AGTPBP1: variants seen among roughly 807,000 people sequenced by gnomAD.
AGTPBP1 encodes cytosolic carboxypeptidase 1.
In AGTPBP1, 70 loss-of-function variants were observed where a neutral mutation model predicts 143.9. That is an observed-to-expected ratio of 0.49 (90% CI 0.40 to 0.59). The LOEUF (loss-of-function observed/expected upper bound fraction) is 0.59, where lower values mean the gene tolerates loss of function less well. AGTPBP1 is among the 20% of genes least tolerant of loss of function. The pLI, the probability that AGTPBP1 is intolerant of heterozygous loss-of-function variation, is 0.00. For missense variants in AGTPBP1, 1,229 were observed against 1,464.5 expected (o/e 0.84, Z 2.62); for synonymous variants, 463 against 500.2 (o/e 0.93, Z 0.99).
At chr9:85,548,670 TTTTTGTTTTTGTTTTTG>T (rs2118316891) in intron 25 of AGTPBP1, among the ~76,000 whole-genome samples, 1 of 142,394 alleles carries the variant, frequency 7.0e-6, no homozygotes, top group African/African-American at 3.0e-5. Flanking sequence ...CTTTGGTTTT[TTTTTGTTTTTGTTTTTG>T]TTTTTTGAGA....
chr9:85,551,182 C>T (rs1042355018), intron 25 of AGTPBP1, among the ~76,000 whole-genome samples: 3 of 152,118 alleles, frequency 2.0e-5, no homozygotes, highest in African/African-American at 7.2e-5. Flanking sequence ...GCAGAACCAC[C>T]AGCCAATTAA....
intron 1 of AGTPBP1, among the ~76,000 whole-genome samples, chr9:85,734,186 G>A (rs1187658964): frequency 2.0e-5 from 3 of 152,156 alleles, no homozygotes; most frequent in African/African-American, 7.2e-5. Context: ...CCAGGAGGCA[G>A]AGGTTGCAGT....
At chr9:85,599,334 T>G (rs565704080) in intron 17 of AGTPBP1, among the ~76,000 whole-genome samples, 1 of 152,334 alleles carries the variant, frequency 6.6e-6, no homozygotes, top group Admixed American at 6.5e-5. Flanking sequence ...CATTGTATTC[T>G]CTCCATCTTA....
the AGTPBP1 span, among the ~76,000 whole-genome samples, chr9:85,782,187 G>A: frequency 4.6e-5 from 7 of 152,162 alleles, no homozygotes; most frequent in African/African-American, 1.7e-4. Context: ...ATAATATGGA[G>A]GAGCAATGAA....
chr9:85,571,071 T>G (rs1445848341), intron 25 of AGTPBP1, among the ~76,000 whole-genome samples: 2 of 152,222 alleles, frequency 1.3e-5, no homozygotes, highest in African/African-American at 4.8e-5. Flanking sequence ...ATGTCTGTCT[T>G]TATTTGAGCA....
chr9:85,633,146 G>A lies in AGTPBP1; in HGVS notation c.1531C>T (p.Gln511Ter). ...GTTCTATTTTGATCACCTGGCTGCT[G>A]TTGTAATGTTCTATCATTATCTTTA... The part of the protein sequence containing the change: ...DIKDNDRTLQ[Q>*]QPGDQNRTIS... The change falls in exon 14 of 26, where the codon CAG becomes TAG. Residue 511 changes from glutamine (Q) to a stop codon, truncating the protein, a stop_gained. Coordinates refer to ENST00000357081, the MANE Select transcript of AGTPBP1 (RefSeq NM_001330701.2). LOFTEE classifies it high-confidence loss of function. 6.2e-7 allele frequency: 1 copy of A among 1,613,876 alleles called. No individual in the cohort carries two copies. The highest frequency in any genetic ancestry group is 1.1e-5 in the South Asian group (1 of 91,058).
chr9:85,797,736 A>G, the AGTPBP1 span, among the ~76,000 whole-genome samples: 1 of 152,140 alleles, frequency 6.6e-6, no homozygotes, highest in Non-Finnish European at 1.5e-5. Flanking sequence ...AAAATCACAA[A>G]AAAGTATGTT....
chr9:85,592,832 AC>A, intron 18 of AGTPBP1, 128 bp from the exon 19 acceptor site: 1 of 1,092,292 alleles, frequency 9.2e-7, no homozygotes, highest in South Asian at 1.4e-5. Flanking sequence ...TAACTTAAAT[AC>A]CCTATTTTAA....
chr9:85,805,209 C>T, the AGTPBP1 span: 10 of 147,604 alleles, frequency 6.8e-5, no homozygotes, highest in Admixed American at 5.3e-4. Flanking sequence ...TAACCAGCGC[C>T]AGCGCCGCTA....
chr9:85,796,239 A>G, the AGTPBP1 span, among the ~76,000 whole-genome samples: 543 of 152,070 alleles, frequency 3.6e-3, 3 homozygotes, highest in African/African-American at 1.0e-2. Flanking sequence ...TTGTAGTAGT[A>G]AGTAGTTTTG....
the AGTPBP1 span, among the ~76,000 whole-genome samples, chr9:85,782,994 C>A: frequency 6.6e-6 from 1 of 152,016 alleles, no homozygotes; most frequent in Non-Finnish European, 1.5e-5. Context: ...AGTCTACTGT[C>A]AAATTTGAGG....
the AGTPBP1 span, among the ~76,000 whole-genome samples, chr9:85,759,407 T>C: frequency 3.3e-5 from 5 of 150,326 alleles, no homozygotes; most frequent in South Asian, 2.1e-4. Flanking sequence ...AGAACAGAAA[T>C]TATAACAAAC....
intron 25 of AGTPBP1, among the ~76,000 whole-genome samples, chr9:85,574,929 G>C (rs1233363248): frequency 1.3e-5 from 2 of 151,898 alleles, no homozygotes; most frequent in Non-Finnish European, 2.9e-5. Flanking sequence ...GGCTGTTCTC[G>C]AACTCCTGAC....
At chr9:85,671,978 A>G (rs184760968) in intron 7 of AGTPBP1, among the ~76,000 whole-genome samples, 2 of 152,158 alleles carry the variant, frequency 1.3e-5, no homozygotes, top group East Asian at 3.9e-4. Flanking sequence ...ATTCTTCCAC[A>G]TCTTTTCTAC....
chr9:85,604,012 C>T (rs1262552193), intron 17 of AGTPBP1, among the ~76,000 whole-genome samples: 2 of 152,200 alleles, frequency 1.3e-5, no homozygotes, highest in Non-Finnish European at 2.9e-5. Flanking sequence ...GACTCTAGGC[C>T]CTGAATGCTG....
At chr9:85,563,942 T>C (rs1714653547) in intron 25 of AGTPBP1, among the ~76,000 whole-genome samples, 1 of 152,178 alleles carries the variant, frequency 6.6e-6, no homozygotes, top group African/African-American at 2.4e-5. Context: ...GCACAGGCAT[T>C]TGGCAGCATC....
the AGTPBP1 span, among the ~76,000 whole-genome samples, chr9:85,776,695 A>G: frequency 6.6e-6 from 1 of 152,318 alleles, no homozygotes; most frequent in African/African-American, 2.4e-5. Flanking sequence ...TAGAGCCCAA[A>G]GTGTCCAGGT....
At position 85,596,462 on chromosome 9, in the gene AGTPBP1, G is replaced by C; in HGVS notation, c.2336-13C>G. 1 of 1,491,860 alleles carries C rather than the reference G, an allele frequency of 6.7e-7. No homozygotes were observed. Among genetic ancestry groups the C allele is most frequent in the Non-Finnish European group, 9.0e-7 (1 of 1,107,360 alleles). 92.4% of individuals were successfully genotyped at this position (1,491,860 alleles called of 1,614,324 possible). A position where few individuals can be genotyped will look rare whatever the true frequency, so the allele number is the denominator to read the frequency against. The stretch of plus-strand genomic sequence containing the variant: ...AGTGGTTGCATACCTTTGAAAGAGA[G>C]AAAAAAAGAGAGAAAATTATTTTCA... On this transcript the variant is annotated splice_polypyrimidine_tract_variant and intron_variant, in intron 17 of 25. Coordinates refer to ENST00000357081, the MANE Select transcript of AGTPBP1 (RefSeq NM_001330701.2).
chr9:85,646,280 A>T (rs1204491145), intron 12 of AGTPBP1, 41 bp downstream of exon 12: 2 of 1,444,820 alleles, frequency 1.4e-6, no homozygotes, highest in Non-Finnish European at 1.9e-6. Flanking sequence ...ACTGTAGTAT[A>T]TCATTTATAA....
Sources: gnomAD v4.1 joint callset for allele counts (sites outside exome capture counted in the v4.1 genomes callset) on GRCh38, gnomAD v4.1.1 for gene constraint, MANE v1.5 for transcripts, NCBI Gene and HGNC (gene_info 2026-07-23, HGNC 2026-07-21) for gene names.